The following EIPR1 variants were observed in gnomAD, a reference collection of about 807,000 sequenced individuals.
EIPR1 encodes the protein EARP and GARP complex-interacting protein 1.
In EIPR1, 25 loss-of-function variants were observed where a neutral mutation model predicts 48.1. The observed-to-expected ratio is 0.52, with a 90% CI of 0.38 to 0.73. The LOEUF (loss-of-function observed/expected upper bound fraction) is 0.73, where lower values mean the gene tolerates loss of function less well. Among genes scored for constraint, EIPR1 ranks in the 30% least tolerant of loss-of-function variants. EIPR1 has a pLI of 0.00. For missense variants in EIPR1, 415 were observed against 506.2 expected, an observed-to-expected ratio of 0.82 and a Z score of 1.73; for synonymous variants, 204 against 201.9, an observed-to-expected ratio of 1.01 and a Z score of -0.09.
Position 3,194,079 on chromosome 2 carries a change from G to A in EIPR1, c.741C>T (p.Cys247=), listed in dbSNP as rs148363289. The change falls in exon 7 of 9, where the codon TGC becomes TGT. Residue 247 remains cysteine (C), a synonymous_variant. Coordinates refer to ENST00000382125, the MANE Select transcript of EIPR1 (RefSeq NM_003310.5). ...AGAACTTCACCTTACAGTCGTCTCC[G>A]CAGCTGGCCAAGTAGTACTGCTTAT... ...NPNKQYYLAS[C]GDDCKVKFWD... 3.0e-3 allele frequency: 4,777 copies of A among 1,613,922 alleles called. 12 individuals are homozygous for A. Among genetic ancestry groups the A allele is most frequent in the Non-Finnish European group, 3.6e-3 (4,238 of 1,180,018 alleles).
intron 3 of EIPR1, among the ~76,000 whole-genome samples, chr2:3,308,113 G>A (rs1183156423): frequency 1.3e-5 from 2 of 152,154 alleles, no homozygotes; most frequent in Non-Finnish European, 2.9e-5. Flanking sequence ...AGAGAATGAG[G>A]CCCACTTGCA....
intron 3 of EIPR1, among the ~76,000 whole-genome samples, chr2:3,300,601 C>T (rs1434423270): frequency 1.3e-5 from 2 of 152,024 alleles, no homozygotes; most frequent in Non-Finnish European, 2.9e-5. Flanking sequence ...AATGGGCTTT[C>T]GCGCTAATAC....
chr2:3,355,154 G>A (rs887470302), intron 1 of EIPR1, among the ~76,000 whole-genome samples: 1 of 152,230 alleles, frequency 6.6e-6, no homozygotes, highest in Non-Finnish European at 1.5e-5. Context: ...GGGAAGCCCA[G>A]CACCTGGTCA....
chr2:3,229,694 C>A (rs950214804), intron 4 of EIPR1, among the ~76,000 whole-genome samples: 1 of 152,276 alleles, frequency 6.6e-6, no homozygotes, highest in Middle Eastern at 3.4e-3. Context: ...GCTGATGAAT[C>A]CACTCTTTCA....
chr2:3,269,165 C>G (rs1667588862), intron 3 of EIPR1, among the ~76,000 whole-genome samples: 1 of 152,252 alleles, frequency 6.6e-6, no homozygotes. Context: ...ATCATCAAGC[C>G]TTAAGCACAG....
Position 3,286,930 on chromosome 2 carries a change from G to A in EIPR1, c.260-29475C>T, listed in dbSNP as rs929197531. 6.7e-6 allele frequency among the ~76,000 whole-genome samples: 1 copy of A among 148,180 alleles called. No individual in the cohort carries two copies. Among genetic ancestry groups the A allele is most frequent in the African/African-American group, 2.5e-5 (1 of 40,000 alleles). ...CACACAGAGTGCCAGCCGGCAGAGG[G>A]GGCGGTGGGGAGCACACAGAGTGCC... is the stretch of plus-strand genomic sequence containing the variant. On this transcript the variant is annotated intron_variant, in intron 3 of 8. Coordinates refer to ENST00000382125, the MANE Select transcript of EIPR1 (RefSeq NM_003310.5). The surrounding 1 kb of genome is among the most constrained non-coding windows in gnomAD (Gnocchi z 4.2).
intron 3 of EIPR1, among the ~76,000 whole-genome samples, chr2:3,330,761 G>A (rs554550613): frequency 2.0e-5 from 3 of 148,730 alleles, no homozygotes; most frequent in African/African-American, 7.3e-5. Flanking sequence ...TCGTGAGATG[G>A]TGTGAGCAGA....
intron 4 of EIPR1, among the ~76,000 whole-genome samples, chr2:3,224,633 G>A (rs1458802934): frequency 6.6e-6 from 1 of 152,170 alleles, no homozygotes; most frequent in Non-Finnish European, 1.5e-5. Context: ...AGCAGAGGCT[G>A]AGCTGCCCAG....
At chr2:3,248,831 G>A (rs1666919940) in intron 4 of EIPR1, among the ~76,000 whole-genome samples, 1 of 152,088 alleles carries the variant, frequency 6.6e-6, no homozygotes, top group Non-Finnish European at 1.5e-5. Context: ...TCTCTCTCTT[G>A]CTCCTATTCT....
intron 4 of EIPR1, among the ~76,000 whole-genome samples, chr2:3,249,386 T>G (rs1268478725): frequency 6.6e-6 from 1 of 152,142 alleles, no homozygotes; most frequent in Admixed American, 6.5e-5. Flanking sequence ...CTAGAGTATC[T>G]GGCAGAAGAC....
chr2:3,241,565 T>G (rs771751909), intron 4 of EIPR1, among the ~76,000 whole-genome samples: 4 of 152,244 alleles, frequency 2.6e-5, no homozygotes, highest in Non-Finnish European at 4.4e-5. Context: ...CTAAGACGTT[T>G]ATTTCTTTGT....
intron 3 of EIPR1, among the ~76,000 whole-genome samples, chr2:3,300,602 G>A (rs1004132096): frequency 4.6e-5 from 7 of 151,862 alleles, no homozygotes; most frequent in South Asian, 2.1e-4. Flanking sequence ...ATGGGCTTTC[G>A]CGCTAATACC....
chr2:3,375,857 A>G (rs1659858657), intron 1 of EIPR1, among the ~76,000 whole-genome samples: 2 of 152,350 alleles, frequency 1.3e-5, no homozygotes, highest in South Asian at 4.1e-4. Context: ...CATAGTCCAG[A>G]GCTAAATCAC....
intron 4 of EIPR1, among the ~76,000 whole-genome samples, chr2:3,240,505 C>G (rs1489418926): frequency 1.3e-5 from 2 of 150,552 alleles, no homozygotes; most frequent in African/African-American, 4.9e-5. Flanking sequence ...GCAAAGCCAG[C>G]AGATCCCTCC....
At chr2:3,292,385 C>T (rs1439618501) in intron 3 of EIPR1, among the ~76,000 whole-genome samples, 3 of 151,814 alleles carry the variant, frequency 2.0e-5, no homozygotes, top group Non-Finnish European at 2.9e-5. Flanking sequence ...CAGCCCCCCA[C>T]ACCTCACAGA....
chr2:3,251,911 TG>T (rs1667010661), intron 4 of EIPR1, among the ~76,000 whole-genome samples: 1 of 152,152 alleles, frequency 6.6e-6, no homozygotes, highest in African/African-American at 2.4e-5. Flanking sequence ...TCTGGAGTTC[TG>T]GGGCGAGACT....
At chr2:3,287,230 ACAATCCAGAAAGCTCGTTCAC>A (rs1558274510) in intron 3 of EIPR1, among the ~76,000 whole-genome samples, 9 of 75,172 alleles carry the variant, frequency 1.2e-4, no homozygotes, top group Non-Finnish European at 3.1e-5. Flanking sequence ...CTCGTTCACC[ACAATCCAGAAAGCTCGTTCAC>A]CACACTCCAG....
At chr2:3,232,550 G>T (rs1248064808) in intron 4 of EIPR1, among the ~76,000 whole-genome samples, 1 of 151,964 alleles carries the variant, frequency 6.6e-6, no homozygotes, top group Non-Finnish European at 1.5e-5. Context: ...TTTCAATGTT[G>T]GTCTCTTTTT....
intron 3 of EIPR1, among the ~76,000 whole-genome samples, chr2:3,307,338 G>A (rs984847289): frequency 1.2e-4 from 19 of 152,258 alleles, no homozygotes; most frequent in African/African-American, 1.9e-4. Context: ...GTGTCTCCCC[G>A]GACCCAGCGG....
Sources: gnomAD v4.1 joint callset for allele counts (sites outside exome capture counted in the v4.1 genomes callset) on GRCh38, gnomAD v4.1.1 for gene constraint, Gnocchi (gnomAD v3.1) non-coding constraint, MANE v1.5 for transcripts, NCBI Gene and HGNC (gene_info 2026-07-23, HGNC 2026-07-21) for gene names.